The following PDE3B variants were observed in gnomAD, a reference collection of about 807,000 sequenced individuals.
PDE3B encodes cGMP-inhibited 3',5'-cyclic phosphodiesterase 3B.
In PDE3B, 66 loss-of-function variants were observed where a neutral mutation model predicts 116.8. The ratio of observed to expected loss-of-function variants is 0.56; its 90% CI spans 0.46 to 0.69. PDE3B has a LOEUF of 0.69. Ranked by LOEUF, PDE3B falls within the 30% of genes least tolerant of loss-of-function variation. The probability of loss-of-function intolerance (pLI) is 0.00; values close to 1 mark genes in which losing one functional copy is unlikely to be tolerated. For missense variants in PDE3B, 1,384 were observed against 1,368.1 expected (o/e 1.01, Z -0.18); for synonymous variants, 595 against 533.6 (o/e 1.12, Z -1.59).
chr11:14,870,306 A>G lies in PDE3B; in HGVS notation c.*646A>G, dbSNP rs2133999292. On this transcript the variant is annotated 3_prime_UTR_variant, in exon 16 of 16. Transcript: ENST00000282096. The surrounding 1 kb of genome is among the most constrained non-coding windows in gnomAD (Gnocchi z 4.1). ...TTTTTACTATTGTGTATTATCTACTATGTGTGTTTTATTTCTGCTGAGAGT... is the reference window on the plus strand; with the variant it reads ...TTTTTACTATTGTGTATTATCTACTGTGTGTGTTTTATTTCTGCTGAGAGT... 6.6e-6 allele frequency: 1 copy of G among 152,618 alleles called. No individual in the cohort carries two copies. Among genetic ancestry groups the G allele is most frequent in the African/African-American group, 2.4e-5 (1 of 41,520 alleles). 9.5% of individuals were successfully genotyped at this position (152,618 alleles called of 1,614,324 possible).
intron 5 of PDE3B, among the ~76,000 whole-genome samples, chr11:14,805,248 T>C (rs978083102): frequency 3.9e-5 from 6 of 152,108 alleles, no homozygotes; most frequent in Non-Finnish European, 7.4e-5. Flanking sequence ...CCAAGCAAGG[T>C]TGTTTTTATT....
chr11:14,789,084 C>T, intron 3 of PDE3B, 22 bp from the exon 4 acceptor site: 1 of 1,572,706 alleles, frequency 6.4e-7, no homozygotes, highest in Non-Finnish European at 8.6e-7. Flanking sequence ...ACATTTTAAA[C>T]CATTGTTAAA....
Position 14,869,877 on chromosome 11 carries a change from A to G in PDE3B, c.*217A>G. 2.1e-6 allele frequency: 1 copy of G among 470,452 alleles called. No individual in the cohort carries two copies. Among genetic ancestry groups the G allele is most frequent in the Non-Finnish European group, 3.8e-6 (1 of 265,306 alleles). The allele number at this position is 470,452 out of a possible 1,614,324, so 29.1% of individuals were successfully genotyped here. On this transcript the variant is annotated 3_prime_UTR_variant, in exon 16 of 16. Transcript: ENST00000282096. The stretch of plus-strand genomic sequence containing the variant: ...AAACTATTCTTAAACCAAAAATACC[A>G]TCCGTGTTGACCCATGTTGCAGAGC...
At chr11:14,749,047 C>T (rs777528304) in intron 1 of PDE3B, among the ~76,000 whole-genome samples, 8 of 152,044 alleles carry the variant, frequency 5.3e-5, no homozygotes, top group Non-Finnish European at 1.0e-4. Flanking sequence ...TACCACCATG[C>T]CTGTCTAATT....
At chr11:14,673,744 C>A in intron 1 of PDE3B, 1 of 769,644 alleles carries the variant, frequency 1.3e-6, no homozygotes, top group Admixed American at 1.7e-5. Context: ...AACATTGCTC[C>A]AATTCGTACA....
intron 1 of PDE3B, among the ~76,000 whole-genome samples, chr11:14,705,310 A>G (rs1413413622): frequency 6.6e-6 from 1 of 151,882 alleles, no homozygotes; most frequent in Non-Finnish European, 1.5e-5. Flanking sequence ...CTACCAGTAG[A>G]AGGGAATGAA....
At chr11:14,662,129 A>T (rs999390768) in intron 1 of PDE3B, among the ~76,000 whole-genome samples, 1 of 152,144 alleles carries the variant, frequency 6.6e-6, no homozygotes. Flanking sequence ...GAACGATCAG[A>T]CAGCAACATT....
Position 14,800,480 on chromosome 11 carries a change from C to A in PDE3B, c.1416-3464C>A, listed in dbSNP as rs549683260. 1.4e-4 allele frequency among the ~76,000 whole-genome samples: 21 copies of A among 152,042 alleles called. No homozygotes were observed. In the South Asian group the frequency reaches 3.3e-3, roughly 24 times the overall value. On this transcript the variant is annotated intron_variant, in intron 4 of 15. Transcript: ENST00000282096. The stretch of plus-strand genomic sequence containing the variant: ...ACTCCATCTCAAAAAAGAATACTGG[C>A]CCTCATTCTATTCTGGCTTATAGGG...
intron 4 of PDE3B, among the ~76,000 whole-genome samples, chr11:14,794,292 T>C (rs1858481189): frequency 6.6e-6 from 1 of 150,810 alleles, no homozygotes; most frequent in Non-Finnish European, 1.5e-5. Context: ...CTAGGTGTCC[T>C]ATAATTCAAT....
intron 1 of PDE3B, among the ~76,000 whole-genome samples, chr11:14,751,822 A>G (rs1258529247): frequency 6.6e-6 from 1 of 152,170 alleles, no homozygotes; most frequent in Non-Finnish European, 1.5e-5. Context: ...CTTGTTCTTT[A>G]TTGGTCAAAG....
chr11:14,792,351 C>A (rs1858414386), intron 4 of PDE3B, among the ~76,000 whole-genome samples: 1 of 151,908 alleles, frequency 6.6e-6, no homozygotes, highest in Non-Finnish European at 1.5e-5. Flanking sequence ...GAAAATTAAG[C>A]TAAATTATGT....
chr11:14,757,716 T>C (rs1195179699), intron 1 of PDE3B, among the ~76,000 whole-genome samples: 1 of 145,618 alleles, frequency 6.9e-6, no homozygotes, highest in Non-Finnish European at 1.5e-5. Flanking sequence ...CTTTTTCAGA[T>C]GAGTAGGTTG....
chr11:14,835,247 AAGT>A (rs1460669438), intron 11 of PDE3B, 152 bp downstream of exon 11: 1 of 529,436 alleles, frequency 1.9e-6, no homozygotes, highest in African/African-American at 1.9e-5. Context: ...ACTTATCCCC[AAGT>A]TCTACTGTGT....
the PDE3B span, chr11:14,891,709 G>T: frequency 8.1e-7 from 1 of 1,241,218 alleles, no homozygotes; most frequent in Non-Finnish European, 1.0e-6. Context: ...GCAAGAGCTC[G>T]AGCGGTAGCG....
chr11:14,812,743 A>G (rs910524601), intron 5 of PDE3B, among the ~76,000 whole-genome samples: 3 of 152,232 alleles, frequency 2.0e-5, no homozygotes, highest in Admixed American at 6.5e-5. Flanking sequence ...TCTTCCCTAT[A>G]TTTAACGAAA....
intron 1 of PDE3B, among the ~76,000 whole-genome samples, chr11:14,661,974 T>C (rs1853936626): frequency 1.3e-5 from 2 of 152,124 alleles, no homozygotes; most frequent in African/African-American, 4.8e-5. Context: ...AGCACGCAGC[T>C]GGAGATCTGA....
intron 8 of PDE3B, among the ~76,000 whole-genome samples, chr11:14,831,352 A>C (rs1265237515): frequency 6.6e-6 from 1 of 151,742 alleles, no homozygotes; most frequent in Non-Finnish European, 1.5e-5. Context: ...AAATGAAAAT[A>C]ATAGACTTTG....
intron 11 of PDE3B, among the ~76,000 whole-genome samples, chr11:14,839,720 C>A (rs894970280): frequency 3.3e-5 from 5 of 152,198 alleles, no homozygotes; most frequent in Non-Finnish European, 7.3e-5. Context: ...TCAAGTCTTT[C>A]ATTCTCTGTT....
At chr11:14,725,371 CCTTT>C (rs1368833396) in intron 1 of PDE3B, among the ~76,000 whole-genome samples, 1 of 142,828 alleles carries the variant, frequency 7.0e-6, no homozygotes, top group African/African-American at 2.6e-5. Flanking sequence ...CTCTCTTTCT[CCTTT>C]CTTCCTTCCT....
Sources: gnomAD v4.1 joint callset for allele counts (sites outside exome capture counted in the v4.1 genomes callset) on GRCh38, gnomAD v4.1.1 for gene constraint, Gnocchi (gnomAD v3.1) non-coding constraint, MANE v1.5 for transcripts, NCBI Gene and HGNC (gene_info 2026-07-23, HGNC 2026-07-21) for gene names.